GLCCI1: variants seen among roughly 807,000 people sequenced by gnomAD.
GLCCI1 encodes the protein glucocorticoid induced 1.
GLCCI1 carries 24 observed loss-of-function variants against 52.2 expected under a neutral mutation model. The ratio of observed to expected loss-of-function variants is 0.46; its 90% CI spans 0.33 to 0.65. The LOEUF (loss-of-function observed/expected upper bound fraction) is 0.65. Among genes scored for constraint, GLCCI1 ranks in the 30% least tolerant of loss-of-function variants. The pLI is 0.02. For missense variants in GLCCI1, 704 were observed against 701.5 expected, an observed-to-expected ratio of 1.00 and a Z score of -0.04; for synonymous variants, 310 against 276.5, an observed-to-expected ratio of 1.12 and a Z score of -1.20.
At chr7:8,022,337 G>A (rs547693512) in intron 2 of GLCCI1, 146 bp from the exon 3 acceptor site, 2 of 312,470 alleles carry the variant, frequency 6.4e-6, no homozygotes, top group African/African-American at 2.2e-5. Context: ...AACATTTCAC[G>A]GGGTCACAAA....
At chr7:8,083,638 A>T (rs1365512461) in intron 6 of GLCCI1, among the ~76,000 whole-genome samples, 2 of 146,268 alleles carry the variant, frequency 1.4e-5, no homozygotes, top group Non-Finnish European at 3.0e-5. Context: ...TTTGGTGCCT[A>T]CTCTGTAGGA....
At chr7:7,973,093 T>C (rs370947887) in intron 1 of GLCCI1, among the ~76,000 whole-genome samples, 1 of 152,200 alleles carries the variant, frequency 6.6e-6, no homozygotes, top group South Asian at 2.1e-4. Flanking sequence ...GACAGGCTGC[T>C]GAATGAATCC....
At chr7:7,981,302 CTT>C (rs1212105317) in intron 1 of GLCCI1, 1 of 243,466 alleles carries the variant, frequency 4.1e-6, no homozygotes, top group African/African-American at 2.4e-5. Flanking sequence ...CTCTTTCTCT[CTT>C]TCTTTCTGTC....
Position 8,086,305 on chromosome 7 carries a change from C to T in GLCCI1, c.1411C>T (p.Pro471Ser). The T allele has an allele frequency of 6.2e-7, 1 of 1,614,092 alleles. No homozygotes were observed. The highest frequency in any genetic ancestry group is 8.5e-7 in the Non-Finnish European group (1 of 1,179,944). The change falls in exon 8 of 8, where the codon CCT (proline) becomes TCT (serine). Residue 471 changes from proline to serine, a missense_variant. Pro to Ser is a moderately conservative substitution (Grantham distance 74). Coordinates refer to ENST00000223145, the MANE Select transcript of GLCCI1 (RefSeq NM_138426.4). This position sits in a 1 kb window ranked among gnomAD's most constrained non-coding sequence, Gnocchi z 4.4. Reference sequence around the variant, plus strand: ...TGTAAAACTTCTAGGCCCCCTCTTACCTGCTTCTGACCTTATGCTCAAGAA... The same window carrying T: ...TGTAAAACTTCTAGGCCCCCTCTTATCTGCTTCTGACCTTATGCTCAAGAA... ...CPVKLLGPLL[P>S]ASDLMLKNSP...
chr7:8,027,446 C>T (rs967479412), intron 3 of GLCCI1, among the ~76,000 whole-genome samples: 1 of 152,064 alleles, frequency 6.6e-6, no homozygotes, highest in African/African-American at 2.4e-5. Context: ...CAAGATCGCA[C>T]CACTGTACTC....
intron 4 of GLCCI1, among the ~76,000 whole-genome samples, chr7:8,058,819 C>T (rs946295295): frequency 3.9e-5 from 6 of 152,172 alleles, no homozygotes; most frequent in African/African-American, 1.4e-4. Context: ...TTCCCAAAAA[C>T]TTAACCTACT....
chr7:8,084,719 G>C (rs111331075), intron 6 of GLCCI1, 178 bp from the exon 7 acceptor site: 59 of 555,006 alleles, frequency 1.1e-4, no homozygotes, highest in African/African-American at 9.6e-4. Flanking sequence ...CTGTTGCATT[G>C]CAGTTTTTAT....
At chr7:8,050,120 G>A (rs889508762) in intron 3 of GLCCI1, among the ~76,000 whole-genome samples, 5 of 152,148 alleles carry the variant, frequency 3.3e-5, no homozygotes, top group African/African-American at 1.2e-4. Context: ...TCCGGGATCA[G>A]TGGGTTTATG....
At chr7:7,977,876 C>G (rs1036979484) in intron 1 of GLCCI1, among the ~76,000 whole-genome samples, 1 of 152,174 alleles carries the variant, frequency 6.6e-6, no homozygotes, top group Non-Finnish European at 1.5e-5. Context: ...ATGCACAGGG[C>G]TCTTGTAATG....
chr7:8,019,249 G>T (rs1213812028), intron 2 of GLCCI1, among the ~76,000 whole-genome samples: 1 of 152,138 alleles, frequency 6.6e-6, no homozygotes, highest in Non-Finnish European at 1.5e-5. Flanking sequence ...GCCACATGTG[G>T]TTATTGAGCT....
At chr7:8,034,518 T>G (rs1562436048) in intron 3 of GLCCI1, among the ~76,000 whole-genome samples, 2 of 152,110 alleles carry the variant, frequency 1.3e-5, no homozygotes, top group African/African-American at 4.8e-5. Flanking sequence ...TACAAATCAA[T>G]AAGAAGATAA....
intron 2 of GLCCI1, among the ~76,000 whole-genome samples, chr7:8,013,024 G>C (rs571464744): frequency 6.6e-4 from 101 of 152,212 alleles, no homozygotes; most frequent in African/African-American, 2.2e-3. Context: ...TGTTGAAAAG[G>C]CTGTCCTTTT....
intron 4 of GLCCI1, among the ~76,000 whole-genome samples, chr7:8,055,991 T>TG (rs1421034523): frequency 1.8e-5 from 1 of 55,138 alleles, no homozygotes; most frequent in African/African-American, 9.6e-5. Context: ...AGACTCCGTC[T>TG]CAAAAAAAAA....
chr7:7,990,404 A>G (rs1330766921), intron 1 of GLCCI1, among the ~76,000 whole-genome samples: 1 of 152,150 alleles, frequency 6.6e-6, no homozygotes, highest in Non-Finnish European at 1.5e-5. Context: ...AAAGATAATA[A>G]TGCCCAGTTT....
intron 3 of GLCCI1, among the ~76,000 whole-genome samples, chr7:8,032,424 T>G (rs1163154417): frequency 6.6e-6 from 1 of 151,580 alleles, no homozygotes; most frequent in Non-Finnish European, 1.5e-5. Flanking sequence ...GCAAAACCAA[T>G]GAAACAGAAA....
In GLCCI1 at chr7:8,055,554, G is replaced by A. The variant is rs1174203021; in HGVS notation, c.813+5G>A. On this transcript the variant is annotated splice_donor_5th_base_variant and intron_variant, in intron 4 of 7. Coordinates refer to ENST00000223145, the MANE Select transcript of GLCCI1 (RefSeq NM_138426.4). Reference sequence around the variant, plus strand: ...ATAACAATCAGTCACACTCAGGTAGGCTAACTTCTTGTCCAGATTTGAATA... The same window carrying A: ...ATAACAATCAGTCACACTCAGGTAGACTAACTTCTTGTCCAGATTTGAATA... 3.3e-6 allele frequency: 5 copies of A among 1,500,936 alleles called. No homozygotes were observed. In the African/African-American group the frequency reaches 6.9e-5, roughly 21 times the overall value. 93.0% of individuals were successfully genotyped at this position (1,500,936 alleles called of 1,614,324 possible).
At chr7:8,026,045 G>T (rs1781612407) in intron 3 of GLCCI1, among the ~76,000 whole-genome samples, 1 of 152,202 alleles carries the variant, frequency 6.6e-6, no homozygotes, top group Non-Finnish European at 1.5e-5. Context: ...TAGTAAATAT[G>T]TGGTAAATAT....
rs146069493 is a variant in GLCCI1 at position 8,070,929 on chromosome 7, C to T, written c.975C>T (p.Asp325=). The change falls in exon 6 of 8, where the codon GAC becomes GAT. Residue 325 remains aspartate, a synonymous_variant. Coordinates refer to ENST00000223145, the MANE Select transcript of GLCCI1 (RefSeq NM_138426.4). The part of the protein sequence containing the change: ...NGKEEVSKPL[D]IPDGRRAPLP... ...TGGTATTCCTCTTACAGCCGTTGGA[C>T]ATACCAGATGGTCGAAGAGCTCCAC... is the stretch of plus-strand genomic sequence containing the variant. 3.7e-6 allele frequency: 6 copies of T among 1,613,844 alleles called. No individual in the cohort carries two copies. Among genetic ancestry groups the T allele is most frequent in the African/African-American group, 1.3e-5 (1 of 75,058 alleles).
chr7:8,066,459 A>G (rs979632138), intron 5 of GLCCI1, among the ~76,000 whole-genome samples: 2 of 151,486 alleles, frequency 1.3e-5, no homozygotes, highest in African/African-American at 4.9e-5. Context: ...TTGTTTCTCT[A>G]GTCCCTCTAT....
Sources: gnomAD v4.1 joint callset for allele counts (sites outside exome capture counted in the v4.1 genomes callset) on GRCh38, gnomAD v4.1.1 for gene constraint, Gnocchi (gnomAD v3.1) non-coding constraint, MANE v1.5 for transcripts, NCBI Gene and HGNC (gene_info 2026-07-23, HGNC 2026-07-21) for gene names.